The following SPTLC2 variants were observed in gnomAD, a reference collection of about 807,000 sequenced individuals.
The protein encoded by SPTLC2 is serine palmitoyltransferase 2.
SPTLC2 carries 21 observed loss-of-function variants against 62.0 expected under a neutral mutation model. The observed-to-expected ratio is 0.34, with a 90% CI of 0.24 to 0.49. SPTLC2 has a LOEUF of 0.49. Ranked by LOEUF, SPTLC2 falls within the 20% of genes least tolerant of loss-of-function variation. The probability of loss-of-function intolerance (pLI) is 0.99; values close to 1 mark genes in which losing one functional copy is unlikely to be tolerated. For missense variants in SPTLC2, 511 were observed against 713.0 expected (o/e 0.72, Z 3.23); for synonymous variants, 261 against 261.8 (o/e 1.00, Z 0.03).
In SPTLC2 at chr14:77,616,473, G is replaced by A; in HGVS notation, c.107C>T (p.Ala36Val). The A allele has an allele frequency of 6.7e-7, 1 of 1,499,498 alleles. No homozygotes were observed. The highest frequency in any genetic ancestry group is 8.8e-7 in the Non-Finnish European group (1 of 1,130,772). The allele number at this position is 1,499,498 out of a possible 1,614,324, so 92.9% of individuals were successfully genotyped here. ...CTGGCCGGCGGCGGCTGCGGCTGCGGCTGCAGCGCTGCTCCTCACGTACCC... is the reference window on the plus strand; with the variant it reads ...CTGGCCGGCGGCGGCTGCGGCTGCGACTGCAGCGCTGCTCCTCACGTACCC... ...RNGYVRSSAA[A>V]AAAAAAGQIH... Residue 36 changes from alanine to valine, a missense_variant, in exon 1 of 12, where the codon GCC (alanine) becomes GTC (valine). Physicochemically the swap from Ala to Val is moderately conservative, Grantham distance 64. Coordinates refer to ENST00000216484, the MANE Select transcript of SPTLC2 (RefSeq NM_004863.4).
chr14:77,560,766 C>T (rs898611762), intron 6 of SPTLC2, among the ~76,000 whole-genome samples: 9 of 151,438 alleles, frequency 5.9e-5, no homozygotes, highest in Admixed American at 5.3e-4. Flanking sequence ...GAACAGAAAA[C>T]CAAATACCAC....
At chr14:77,531,446 C>CTTCTTCTTCTTCTTCTT (rs1566770725) in intron 9 of SPTLC2, among the ~76,000 whole-genome samples, 2 of 103,702 alleles carry the variant, frequency 1.9e-5, no homozygotes, top group African/African-American at 1.1e-4. Flanking sequence ...TTCTTCTTCT[C>CTTCTTCTTCTTCTTCTT]CTCCTTCTCC....
At chr14:77,527,788 A>T (rs2079416721) in intron 9 of SPTLC2, among the ~76,000 whole-genome samples, 1 of 152,160 alleles carries the variant, frequency 6.6e-6, no homozygotes, top group African/African-American at 2.4e-5. Context: ...TAATAAAGTA[A>T]GGAATATAAA....
In SPTLC2 at chr14:77,508,324, G is replaced by A. The variant is rs1163159337; in HGVS notation, c.*3960C>T. The A allele has an allele frequency of 6.6e-6, 1 of 152,228 alleles. No individual in the cohort carries two copies. The highest frequency in any genetic ancestry group is 2.4e-5 in the African/African-American group (1 of 41,460). The allele number at this position is 152,228 out of a possible 1,614,324, so 9.4% of individuals were successfully genotyped here. On this transcript the variant is annotated 3_prime_UTR_variant, in exon 12 of 12. Transcript: ENST00000216484. ...TAAGCACACGGTTATAGCAAGTAGA[G>A]ATTAAAGCTCATTGGCTTACCTAGA...
At chr14:77,614,213 TATC>T (rs1366189953) in intron 1 of SPTLC2, among the ~76,000 whole-genome samples, 1 of 152,216 alleles carries the variant, frequency 6.6e-6, no homozygotes, top group Non-Finnish European at 1.5e-5. Context: ...TCTGAAGAAA[TATC>T]ATTCTATAAA....
chr14:77,591,696 A>ATGTG, intron 2 of SPTLC2, among the ~76,000 whole-genome samples: 2 of 71,768 alleles, frequency 2.8e-5, no homozygotes, highest in Admixed American at 1.6e-4. Context: ...GCTCTTCTGT[A>ATGTG]TGTATGTATG....
chr14:77,576,887 T>C lies in SPTLC2; in HGVS notation c.511A>G (p.Ile171Val), dbSNP rs763924228. The C allele has an allele frequency of 6.8e-6, 11 of 1,614,056 alleles. No individual in the cohort carries two copies. Among genetic ancestry groups the C allele is most frequent in the Admixed American group, 3.3e-5 (2 of 60,002 alleles). Reference sequence around the variant, plus strand: ...AGATAGTTGTAGGAACCCATGTTTATAACACCCTTTATTATATTCCCTGTA... The same window carrying C: ...AGATAGTTGTAGGAACCCATGTTTACAACACCCTTTATTATATTCCCTGTA... Reference protein sequence around the residue: ...KYTGNIIKGVINMGSYNYLGF... With the variant: ...KYTGNIIKGVVNMGSYNYLGF... Residue 171 changes from isoleucine (I) to valine (V), a missense_variant, in exon 4 of 12, where the codon ATA (isoleucine) becomes GTA (valine). Transcript: ENST00000216484.
chr14:77,510,252 A>C lies in SPTLC2; in HGVS notation c.*2032T>G. On this transcript the variant is annotated 3_prime_UTR_variant, in exon 12 of 12. Coordinates refer to ENST00000216484, the MANE Select transcript of SPTLC2 (RefSeq NM_004863.4). ...TAAAAAAGTAAAATAAAACTTTGGA[A>C]TATCTCAAGGGCTTATTAAAGTTCT... The C allele has an allele frequency of 3.9e-6, 1 of 255,076 alleles. No homozygotes were observed. 15.8% of individuals were successfully genotyped at this position (255,076 alleles called of 1,614,324 possible).
chr14:77,571,370 C>T (rs942066424), intron 4 of SPTLC2, among the ~76,000 whole-genome samples: 2 of 152,020 alleles, frequency 1.3e-5, no homozygotes, highest in African/African-American at 2.4e-5. Context: ...ATTAGCCAGG[C>T]ATGGTGGCGT....
chr14:77,527,495 T>C (rs1386806885), intron 9 of SPTLC2, among the ~76,000 whole-genome samples: 2 of 152,240 alleles, frequency 1.3e-5, no homozygotes, highest in Non-Finnish European at 2.9e-5. Flanking sequence ...GAATTAGATT[T>C]AGGGAACTAC....
intron 9 of SPTLC2, among the ~76,000 whole-genome samples, chr14:77,522,448 C>T (rs985963441): frequency 1.3e-5 from 2 of 152,230 alleles, no homozygotes; most frequent in Admixed American, 1.3e-4. Context: ...CAGACATGAG[C>T]CACCGCGCCT....
intron 2 of SPTLC2, among the ~76,000 whole-genome samples, chr14:77,595,407 T>C (rs1230468415): frequency 6.6e-6 from 1 of 152,084 alleles, no homozygotes; most frequent in African/African-American, 2.4e-5. Flanking sequence ...AAAATGTGTT[T>C]GGGTTTTAAA....
At chr14:77,570,964 G>A (rs1026393050) in intron 4 of SPTLC2, among the ~76,000 whole-genome samples, 4 of 152,128 alleles carry the variant, frequency 2.6e-5, no homozygotes, top group African/African-American at 7.2e-5. Flanking sequence ...AGGAGAGGGG[G>A]AGACAGAGAG....
At chr14:77,515,924 C>G (rs1234250601) in intron 11 of SPTLC2, among the ~76,000 whole-genome samples, 1 of 127,058 alleles carries the variant, frequency 7.9e-6, no homozygotes, top group African/African-American at 2.6e-5. Context: ...TGTATAAAAG[C>G]ACTAATTTTT....
intron 5 of SPTLC2, among the ~76,000 whole-genome samples, chr14:77,566,092 T>C (rs959282548): frequency 2.6e-5 from 4 of 152,150 alleles, no homozygotes; most frequent in Non-Finnish European, 5.9e-5. Context: ...CAAAATTTTA[T>C]TTTCTTCTCT....
At chr14:77,584,796 G>GAC (rs149917156) in intron 2 of SPTLC2, among the ~76,000 whole-genome samples, 16 of 151,758 alleles carry the variant, frequency 1.1e-4, no homozygotes, top group South Asian at 8.3e-4. Context: ...AAGACACACA[G>GAC]ACACACACAC....
intron 11 of SPTLC2, among the ~76,000 whole-genome samples, chr14:77,513,207 G>C (rs2079341995): frequency 6.6e-6 from 1 of 151,382 alleles, no homozygotes; most frequent in South Asian, 2.1e-4. Context: ...GTCCAGACAG[G>C]GTTTTGCCAT....
Position 77,509,813 on chromosome 14 carries a change from G to A in SPTLC2, c.*2471C>T. On this transcript the variant is annotated 3_prime_UTR_variant, in exon 12 of 12. Transcript: ENST00000216484. ...TACAGAGGTCCTGCATAGATCACAG[G>A]AGATTTGTCTCTTCAAAATAAACTT... is the stretch of plus-strand genomic sequence containing the variant. 1 of 398,184 alleles carries A rather than the reference G, an allele frequency of 2.5e-6. No individual in the cohort carries two copies. Among genetic ancestry groups the A allele is most frequent in the Non-Finnish European group, 4.4e-6 (1 of 225,872 alleles). The allele number at this position is 398,184 out of a possible 1,614,324, so 24.7% of individuals were successfully genotyped here. A position where few individuals can be genotyped will look rare whatever the true frequency, so the allele number is the denominator to read the frequency against.
At chr14:77,562,628 A>G (rs1350021558) in intron 5 of SPTLC2, 139 bp from the exon 6 acceptor site, 2 of 674,902 alleles carry the variant, frequency 3.0e-6, no homozygotes, top group East Asian at 2.7e-5. Context: ...AATTTTAAGA[A>G]GAGGAAAAAG....
Sources: allele counts gnomAD v4.1 joint callset (sites outside exome capture counted in the v4.1 genomes callset), GRCh38; gene constraint gnomAD v4.1.1; transcripts MANE v1.5; gene names NCBI Gene and HGNC (gene_info 2026-07-23, HGNC 2026-07-21).